MROH7: variants seen among roughly 807,000 people sequenced by gnomAD.
MROH7 encodes the protein maestro heat-like repeat-containing protein family member 7.
MROH7 carries 113 observed loss-of-function variants against 129.2 expected under a neutral mutation model. The observed-to-expected ratio is 0.87, with a 90% CI of 0.75 to 1.02. The LOEUF (loss-of-function observed/expected upper bound fraction) is 1.02, where lower values mean the gene tolerates loss of function less well. Ranked by LOEUF, MROH7 falls within the 50% of genes least tolerant of loss-of-function variation. The probability of loss-of-function intolerance (pLI) is 0.00; values close to 1 mark genes in which losing one functional copy is unlikely to be tolerated. For missense variants in MROH7, 1,601 were observed against 1,671.3 expected (o/e 0.96, Z 0.73); for synonymous variants, 655 against 667.9 (o/e 0.98, Z 0.30).
chr1:54,679,483 G>A lies in MROH7; in HGVS notation c.2226+44G>A, dbSNP rs758888705. ...AGGGAGTGAACTGTCACTGGGGCTCGGGAGCTCCCCCCATGGCCTGCTCAT... is the reference window on the plus strand; with the variant it reads ...AGGGAGTGAACTGTCACTGGGGCTCAGGAGCTCCCCCCATGGCCTGCTCAT... On this transcript the variant is annotated intron_variant, in intron 12 of 23. Coordinates refer to ENST00000421030, the MANE Select transcript of MROH7 (RefSeq NM_001039464.4). 2.8e-5 allele frequency: 45 copies of A among 1,584,538 alleles called. 1 individual carries two copies. Among genetic ancestry groups the A allele is most frequent in the Middle Eastern group, 2.1e-4 (1 of 4,662 alleles).
intron 14 of MROH7, among the ~76,000 whole-genome samples, chr1:54,685,402 C>T (rs1389872281): frequency 6.6e-6 from 1 of 152,250 alleles, no homozygotes; most frequent in Non-Finnish European, 1.5e-5. Flanking sequence ...GGCTCTAACA[C>T]TCCTGTGGGG....
intron 8 of MROH7, 112 bp downstream of exon 8, chr1:54,673,298 C>A: frequency 1.3e-6 from 1 of 767,234 alleles, no homozygotes; most frequent in Non-Finnish European, 2.2e-6. Context: ...TTCAGGATGT[C>A]ATCTTGTGTG....
intron 16 of MROH7, among the ~76,000 whole-genome samples, chr1:54,694,441 A>G (rs993542533): frequency 2.0e-5 from 3 of 152,056 alleles, no homozygotes; most frequent in African/African-American, 7.2e-5. Flanking sequence ...CCCGTACCCT[A>G]AGAGTTCCTG....
intron 19 of MROH7, 69 bp from the exon 20 acceptor site, chr1:54,702,021 G>A (rs1436076258): frequency 7.4e-7 from 1 of 1,349,474 alleles, no homozygotes; most frequent in Middle Eastern, 1.9e-4. Context: ...AGGAACAATG[G>A]CTCTGAATCA....
In MROH7 at chr1:54,665,141, C is replaced by T. The variant is rs778953026; in HGVS notation, c.1232-26C>T. 3 of 1,595,690 alleles carry T rather than the reference C, an allele frequency of 1.9e-6. No homozygotes were observed. The South Asian group carries it at 3.3e-5, about 18-fold the overall frequency. On this transcript the variant is annotated intron_variant, in intron 3 of 23. Coordinates refer to ENST00000421030, the MANE Select transcript of MROH7 (RefSeq NM_001039464.4). Reference sequence around the variant, plus strand: ...CTAGGTACATCACAGCTTTATCCACCTTCTCATTGAAATCGTGCCCTGCAG... The same window carrying T: ...CTAGGTACATCACAGCTTTATCCACTTTCTCATTGAAATCGTGCCCTGCAG...
chr1:54,648,259 T>C (rs980885604), intron 1 of MROH7, among the ~76,000 whole-genome samples: 6 of 152,096 alleles, frequency 3.9e-5, no homozygotes, highest in Non-Finnish European at 5.9e-5. Flanking sequence ...TAGGCATGGA[T>C]TTATTTCTGG....
At chr1:54,676,804 G>C (rs1276784589) in intron 10 of MROH7, among the ~76,000 whole-genome samples, 2 of 152,000 alleles carry the variant, frequency 1.3e-5, no homozygotes, top group East Asian at 1.9e-4. Context: ...CACCTCCCGG[G>C]TTCAAGAGAT....
chr1:54,680,016 C>T lies in MROH7; in HGVS notation c.2352C>T (p.Ala784=). 5.0e-6 allele frequency: 8 copies of T among 1,614,012 alleles called. No individual in the cohort carries two copies. Among genetic ancestry groups the T allele is most frequent in the Non-Finnish European group, 5.9e-6 (7 of 1,179,958 alleles). The change falls in exon 13 of 24, where the codon GCC becomes GCT. Residue 784 remains alanine, a synonymous_variant. Coordinates refer to ENST00000421030, the MANE Select transcript of MROH7 (RefSeq NM_001039464.4). ...CCTTCATGACCGAGGTTGTGGTGGC[C>T]CTGCTCATGTGCCCCCTCCCACTGA... is the stretch of plus-strand genomic sequence containing the variant. ...ASSFMTEVVV[A]LLMCPLPLNS... is the part of the protein sequence containing the mutation.
At chr1:54,648,324 T>G (rs908392783) in intron 1 of MROH7, among the ~76,000 whole-genome samples, 5 of 149,432 alleles carry the variant, frequency 3.3e-5, no homozygotes, top group Admixed American at 6.8e-5. Context: ...AGTACCACAC[T>G]GTTGCATGCA....
chr1:54,673,081 C>A lies in MROH7; in HGVS notation c.1600-10C>A. 6.2e-7 allele frequency: 1 copy of A among 1,610,848 alleles called. No individual in the cohort carries two copies. On this transcript the variant is annotated splice_polypyrimidine_tract_variant and intron_variant, in intron 7 of 23. Transcript: ENST00000421030. ...GTGCCTTAGTGGCTTGGTCCTCCTCCCATCCACAGGCTCTTTACCATCAGA... is the reference window on the plus strand; with the variant it reads ...GTGCCTTAGTGGCTTGGTCCTCCTCACATCCACAGGCTCTTTACCATCAGA...
chr1:54,695,748 C>T (rs1569975602), intron 17 of MROH7: 1 of 514,662 alleles, frequency 1.9e-6, no homozygotes, highest in African/African-American at 1.9e-5. Flanking sequence ...CTCTGTGTGT[C>T]AGGCACGAGA....
rs755992083 is a variant in MROH7, at chr1:54,695,475, C to T, written c.2949C>T (p.Thr983=). 63 of 1,613,182 alleles carry T rather than the reference C, an allele frequency of 3.9e-5. No homozygotes were observed. The Middle Eastern group carries it at 6.6e-4, about 17-fold the overall frequency. ...RGDEKHRITA[T]AFFVELLQME... is the part of the protein sequence containing the mutation. Reference sequence around the variant, plus strand: ...ACGAGAAGCACAGGATCACGGCCACCGCCTTCTTCGTGGAGGTACCAACGG... The same window carrying T: ...ACGAGAAGCACAGGATCACGGCCACTGCCTTCTTCGTGGAGGTACCAACGG... Residue 983 remains threonine (T), a synonymous_variant, in exon 17 of 24, where the codon ACC becomes ACT. Transcript: ENST00000421030.
chr1:54,696,179 G>GA (rs202230160), intron 17 of MROH7, among the ~76,000 whole-genome samples: 3 of 151,834 alleles, frequency 2.0e-5, no homozygotes, highest in South Asian at 4.2e-4. Context: ...CCGTTTTAGA[G>GA]AAAAAAAACC....
intron 3 of MROH7, 67 bp downstream of exon 3, chr1:54,654,224 G>C: frequency 7.0e-7 from 1 of 1,432,284 alleles, no homozygotes; most frequent in Admixed American, 2.6e-5. Context: ...AGACTCTTAG[G>C]GCAGGGAGAG....
rs549483882 is a variant in MROH7 at position 54,694,038 on chromosome 1, C to T, written c.2850-1338C>T. ...CTGGGATCACAGGCATGCGCCACCA[C>T]GCCTGGCTAATTTTTGTGTTTTTAG... On this transcript the variant is annotated intron_variant, in intron 16 of 23. Transcript: ENST00000421030. 2.0e-3 allele frequency among the ~76,000 whole-genome samples: 311 copies of T among 152,252 alleles called. 1 individual carries two copies. The highest frequency in any genetic ancestry group is 0.017 in the Middle Eastern group (5 of 294).
intron 22 of MROH7, among the ~76,000 whole-genome samples, chr1:54,707,192 G>A (rs138377631): frequency 1.3e-5 from 2 of 152,042 alleles, no homozygotes; most frequent in Non-Finnish European, 2.9e-5. Flanking sequence ...CAGAGCCCCC[G>A]ACAGGACCCT....
In MROH7 at chr1:54,708,895, CAT is replaced by C. The variant is rs1435450557; in HGVS notation, c.3668-118_3668-117del. 5.9e-6 allele frequency: 5 copies of C among 842,086 alleles called. No homozygotes were observed. The Admixed American group carries it at 9.4e-5, about 16-fold the overall frequency. The allele number at this position is 842,086 out of a possible 1,614,324, so 52.2% of individuals were successfully genotyped here. ...GGGTCCAAATGAAGTTTTGTGTTCT[CAT>C]GTGTGGGGCTGGAGGATAATGGGAA... On this transcript the variant is annotated intron_variant, in intron 22 of 23. Coordinates refer to ENST00000421030, the MANE Select transcript of MROH7 (RefSeq NM_001039464.4).
intron 10 of MROH7, among the ~76,000 whole-genome samples, chr1:54,676,583 C>CA (rs1644984771): frequency 6.6e-6 from 1 of 151,838 alleles, no homozygotes. Context: ...TTAATAGAGT[C>CA]AGAGTTTTGC....
In MROH7 at chr1:54,680,677, G is replaced by T. The variant is rs144192586; in HGVS notation, c.2381+632G>T. Among the ~76,000 whole-genome samples, 525 of 152,306 alleles carry T rather than the reference G, an allele frequency of 3.4e-3. 2 individuals carry two copies. The highest frequency in any genetic ancestry group is 0.012 in the African/African-American group (504 of 41,560). ...GATGGTGAGCTCGTGGGCAGGAGAG[G>T]TCAGTCTGGCCTCAGCCTCCCACCC... is the stretch of plus-strand genomic sequence containing the variant. On this transcript the variant is annotated intron_variant, in intron 13 of 23. Transcript: ENST00000421030.
Sources: gnomAD v4.1 joint callset for allele counts (sites outside exome capture counted in the v4.1 genomes callset) on GRCh38, gnomAD v4.1.1 for gene constraint, MANE v1.5 for transcripts, NCBI Gene and HGNC (gene_info 2026-07-23, HGNC 2026-07-21) for gene names.